FAR2: variants seen among roughly 807,000 people sequenced by gnomAD.
FAR2 encodes epididymis secretory protein Li 81.
Under a neutral mutation model 56.0 loss-of-function variants are expected in FAR2, and 19 were observed. The observed-to-expected ratio is 0.34, with a 90% CI of 0.24 to 0.50. The LOEUF is 0.50. Among genes scored for constraint, FAR2 ranks in the 20% least tolerant of loss-of-function variants. The pLI is 0.98. For missense variants in FAR2, 508 were observed against 642.2 expected (o/e 0.79, Z 2.26); for synonymous variants, 219 against 218.8 (o/e 1.00, Z -0.01).
intron 10 of FAR2, among the ~76,000 whole-genome samples, chr12:29,327,377 T>C (rs1256593883): frequency 6.6e-6 from 1 of 152,168 alleles, no homozygotes; most frequent in Non-Finnish European, 1.5e-5. Flanking sequence ...TACCAAAGAC[T>C]TTCTTCACAG....
At chr12:29,250,096 A>C (rs1227567699) in intron 1 of FAR2, among the ~76,000 whole-genome samples, 1 of 152,222 alleles carries the variant, frequency 6.6e-6, no homozygotes, top group Non-Finnish European at 1.5e-5. Context: ...AACAATAGTT[A>C]TTGAGCTACT....
chr12:29,271,773 C>A (rs1442482978), intron 2 of FAR2, among the ~76,000 whole-genome samples: 1 of 152,190 alleles, frequency 6.6e-6, no homozygotes, highest in East Asian at 1.9e-4. Flanking sequence ...TACATGGCAC[C>A]TACTATCCAA....
At chr12:29,188,642 A>G (rs1950068686) in intron 1 of FAR2, among the ~76,000 whole-genome samples, 2 of 151,996 alleles carry the variant, frequency 1.3e-5, no homozygotes, top group Non-Finnish European at 2.9e-5. Flanking sequence ...TTTTCCATTA[A>G]TCTCCTTTTT....
At chr12:29,191,511 AT>A (rs937464934) in intron 1 of FAR2, among the ~76,000 whole-genome samples, 17 of 152,240 alleles carry the variant, frequency 1.1e-4, no homozygotes, top group Non-Finnish European at 2.1e-4. Context: ...GTTAAATATG[AT>A]GCTTTTGAAA....
At chr12:29,317,498 A>G (rs538469164) in intron 9 of FAR2, among the ~76,000 whole-genome samples, 40 of 152,362 alleles carry the variant, frequency 2.6e-4, no homozygotes, top group African/African-American at 7.2e-4. Flanking sequence ...CTCGACCTGT[A>G]TAAGTTTTGA....
chr12:29,243,668 T>G (rs985609861), intron 1 of FAR2, among the ~76,000 whole-genome samples: 1 of 152,168 alleles, frequency 6.6e-6, no homozygotes, highest in South Asian at 2.1e-4. Context: ...TATGCCAGCG[T>G]TGGAATGGTG....
At chr12:29,264,103 A>G (rs1948471085) in intron 1 of FAR2, among the ~76,000 whole-genome samples, 1 of 152,172 alleles carries the variant, frequency 6.6e-6, no homozygotes, top group Admixed American at 6.5e-5. Flanking sequence ...AATCAAGAAC[A>G]CATTAAAAAG....
At position 29,239,483 on chromosome 12, in the gene FAR2, T is replaced by TGTGTGG. The variant is rs60629417; in HGVS notation, c.-38-30929_-38-30928insGTGTGG. 2.6e-5 allele frequency among the ~76,000 whole-genome samples: 4 copies of TGTGTGG among 151,808 alleles called. No individual in the cohort carries two copies. In the East Asian group the frequency reaches 7.7e-4, roughly 29 times the overall value. ...GTGTGTGTGTGTGTGTGTGTGTGTG[T>TGTGTGG]ATAAAACTTTGTGTCCTTTTACTCA... On this transcript the variant is annotated intron_variant, in intron 1 of 11. Coordinates refer to ENST00000536681, the MANE Select transcript of FAR2 (RefSeq NM_001271783.2).
At chr12:29,294,301 AT>A (rs1176154689) in intron 3 of FAR2, among the ~76,000 whole-genome samples, 1 of 150,774 alleles carries the variant, frequency 6.6e-6, no homozygotes, top group African/African-American at 2.4e-5. Flanking sequence ...CTATTGAAAC[AT>A]TTTTTTCTTA....
intron 1 of FAR2, among the ~76,000 whole-genome samples, chr12:29,205,348 T>G (rs1185762425): frequency 6.6e-6 from 1 of 152,208 alleles, no homozygotes; most frequent in African/African-American, 2.4e-5. Flanking sequence ...AAAGAACATG[T>G]CTGATAATTT....
At chr12:29,275,170 G>A (rs1196703950) in intron 2 of FAR2, among the ~76,000 whole-genome samples, 1 of 151,716 alleles carries the variant, frequency 6.6e-6, no homozygotes, top group African/African-American at 2.4e-5. Flanking sequence ...GAGAGTCAGC[G>A]AAGGGAGACA....
chr12:29,221,163 C>G lies in FAR2; in HGVS notation c.-38-49249C>G, dbSNP rs141922294. 1.7e-3 allele frequency among the ~76,000 whole-genome samples: 256 copies of G among 152,264 alleles called. 1 individual carries two copies. Among genetic ancestry groups the G allele is most frequent in the African/African-American group, 6.0e-3 (248 of 41,548 alleles). ...ACCCGTAAAATCAGCCGCTTTACCT[C>G]TTAGTGCGCATGCTCAAGCCCACTT... On this transcript the variant is annotated intron_variant, in intron 1 of 11. Transcript: ENST00000536681.
chr12:29,309,535 T>C (rs1293012583), intron 6 of FAR2, among the ~76,000 whole-genome samples: 1 of 152,214 alleles, frequency 6.6e-6, no homozygotes, highest in Non-Finnish European at 1.5e-5. Context: ...TTCCTCCTTT[T>C]TGCAGTTTAT....
At chr12:29,192,592 G>T (rs1385749155) in intron 1 of FAR2, among the ~76,000 whole-genome samples, 1 of 152,038 alleles carries the variant, frequency 6.6e-6, no homozygotes, top group Non-Finnish European at 1.5e-5. Flanking sequence ...CTAAACCCCT[G>T]AGTTCTTTAA....
chr12:29,244,872 TATG>T (rs1352848172), intron 1 of FAR2, among the ~76,000 whole-genome samples: 1 of 152,164 alleles, frequency 6.6e-6, no homozygotes, highest in Non-Finnish European at 1.5e-5. Context: ...CAAGATCAAA[TATG>T]ATAAGAGTTT....
intron 1 of FAR2, among the ~76,000 whole-genome samples, chr12:29,268,669 A>C (rs1248514995): frequency 6.6e-6 from 1 of 152,144 alleles, no homozygotes; most frequent in East Asian, 1.9e-4. Context: ...CACATTTTCA[A>C]CTCAAGGAAG....
At chr12:29,174,578 G>A (rs543402654) in intron 1 of FAR2, among the ~76,000 whole-genome samples, 35 of 150,612 alleles carry the variant, frequency 2.3e-4, no homozygotes, top group African/African-American at 7.2e-4. Context: ...CCACCACCAC[G>A]CCCGGCTAAT....
intron 1 of FAR2, chr12:29,171,893 G>A (rs34601700): frequency 0.04 from 5,772 of 145,472 alleles, 313 homozygotes; most frequent in African/African-American, 0.13. Context: ...CCGCCCAACT[G>A]ACTGGTAAGT....
chr12:29,198,431 G>T (rs149204484), intron 1 of FAR2, among the ~76,000 whole-genome samples: 3 of 151,992 alleles, frequency 2.0e-5, no homozygotes, highest in African/African-American at 7.3e-5. Context: ...GTTTCACCAC[G>T]TTGGCCAGGA....
Sources: gnomAD v4.1 joint callset for allele counts (sites outside exome capture counted in the v4.1 genomes callset) on GRCh38, gnomAD v4.1.1 for gene constraint, MANE v1.5 for transcripts, NCBI Gene and HGNC (gene_info 2026-07-23, HGNC 2026-07-21) for gene names.